Variants in BTNL9 observed in about 807,000 individuals in gnomAD.
The protein encoded by BTNL9 is butyrophilin like 9, also known as butyrophilin-like protein 9.
BTNL9 carries 45 observed loss-of-function variants against 45.8 expected under a neutral mutation model. The ratio of observed to expected loss-of-function variants is 0.98; its 90% CI spans 0.77 to 1.26. BTNL9 has a LOEUF of 1.26. BTNL9 is among the 50% of genes most tolerant of loss of function. The pLI, the probability that BTNL9 is intolerant of heterozygous loss-of-function variation, is 0.00. For synonymous variants in BTNL9, 346 were observed against 330.8 expected, an observed-to-expected ratio of 1.05 and a Z score of -0.50; for missense variants, 784 against 729.7, an observed-to-expected ratio of 1.07 and a Z score of -0.86.
rs959116851 is a variant in BTNL9, at chr5:181,059,828, A to G, written c.1574A>G (p.Tyr525Cys). 6.9e-6 allele frequency: 11 copies of G among 1,592,256 alleles called. No homozygotes were observed. In the Admixed American group the frequency reaches 8.5e-5, roughly 12 times the overall value. The change falls in exon 11 of 11, where the codon TAT (tyrosine) becomes TGT (cysteine). Residue 525 changes from tyrosine (Y) to cysteine (C), a missense_variant. Physicochemically the swap from Tyr to Cys is radical, Grantham distance 194. Coordinates refer to ENST00000327705, the MANE Select transcript of BTNL9 (RefSeq NM_152547.5). ...ENDSDTWLQP[Y>C]EPADPALDWW ...GACAGTGACACCTGGCTACAGCCCT[A>G]TGAGCCCGCGGACCCCGCCCTGGAC...
In BTNL9 at chr5:181,055,474, C is replaced by A; in HGVS notation, c.928+21C>A. 1 of 1,613,956 alleles carries A rather than the reference C, an allele frequency of 6.2e-7. No homozygotes were observed. The highest frequency in any genetic ancestry group is 8.5e-7 in the Non-Finnish European group (1 of 1,179,904). On this transcript the variant is annotated intron_variant, in intron 8 of 10. Transcript: ENST00000327705. The surrounding 1 kb of genome is among the most constrained non-coding windows in gnomAD (Gnocchi z 4.4). ...GCTTGGTAAGTGACCCCTCTTAGAA[C>A]TATTTCTCCTCAGGGCCGGGTCCAG...
rs1760827786 is a variant in BTNL9, at chr5:181,042,508, T to C, written c.-24+2076T>C. Among the ~76,000 whole-genome samples, 1 of 152,052 alleles carries C rather than the reference T, an allele frequency of 6.6e-6. No individual in the cohort carries two copies. Among genetic ancestry groups the C allele is most frequent in the Non-Finnish European group, 1.5e-5 (1 of 68,018 alleles). ...CTGGATCCTTAACTGAAGAGTGAGG[T>C]CAGAAAGGGCGGACGCACAGCAGCA... On this transcript the variant is annotated intron_variant, in intron 1 of 10. Coordinates refer to ENST00000327705, the MANE Select transcript of BTNL9 (RefSeq NM_152547.5). This position sits in a 1 kb window ranked among gnomAD's most constrained non-coding sequence, Gnocchi z 4.5.
chr5:181,054,287 C>G, intron 7 of BTNL9, 28 bp downstream of exon 7: 2 of 1,609,906 alleles, frequency 1.2e-6, no homozygotes, highest in Non-Finnish European at 1.7e-6. Context: ...GGCCACAGTG[C>G]TGCCTGTCAG....
chr5:181,051,349 A>G (rs114374232), intron 4 of BTNL9, among the ~76,000 whole-genome samples: 3,600 of 152,268 alleles, frequency 0.024, 47 homozygotes, highest in Middle Eastern at 0.051. Flanking sequence ...CCAAATCAAA[A>G]GCTATTTTAT....
Position 181,059,224 on chromosome 5 carries a change from T to A in BTNL9, c.983-13T>A, listed in dbSNP as rs7379015. 2 of 1,526,174 alleles carry A rather than the reference T, an allele frequency of 1.3e-6. No individual in the cohort carries two copies. Among genetic ancestry groups the A allele is most frequent in the Non-Finnish European group, 1.7e-6 (2 of 1,145,596 alleles). 94.5% of individuals were successfully genotyped at this position (1,526,174 alleles called of 1,614,324 possible). A position where few individuals can be genotyped will look rare whatever the true frequency, so the allele number is the denominator to read the frequency against. On this transcript the variant is annotated splice_polypyrimidine_tract_variant and intron_variant, in intron 10 of 10. Transcript: ENST00000327705. ...CCGTCCCGGGCGGGCACTAACGCTG[T>A]GGCTCTGCGCAGTGGATGTGACGCT...
Position 181,053,981 on chromosome 5 carries a change from C to T in BTNL9, c.887-258C>T. 2 of 1,532,908 alleles carry T rather than the reference C, an allele frequency of 1.3e-6. No individual in the cohort carries two copies. The highest frequency in any genetic ancestry group is 2.4e-5 in the South Asian group (2 of 83,162). 95.0% of individuals were successfully genotyped at this position (1,532,908 alleles called of 1,614,324 possible). The stretch of plus-strand genomic sequence containing the variant: ...GCCGAGCTAATAGATTTGGGAGGCT[C>T]CGACCCTGATTTTCACACTAGCAGG... On this transcript the variant is annotated intron_variant, in intron 6 of 10. Transcript: ENST00000327705. The surrounding 1 kb of genome is among the most constrained non-coding windows in gnomAD (Gnocchi z 6.5).
rs536255801 is a variant in BTNL9 at position 181,054,517 on chromosome 5, C to T, written c.907+258C>T. The stretch of plus-strand genomic sequence containing the variant: ...AATTCAGTTAAAATTCATCATAAAA[C>T]GTTTACTGTCTCCGGTTCATCTTCT... On this transcript the variant is annotated intron_variant, in intron 7 of 10. Transcript: ENST00000327705. 77 of 985,418 alleles carry T rather than the reference C, an allele frequency of 7.8e-5. 1 individual carries two copies. In the South Asian group the frequency reaches 3.0e-3, roughly 38 times the overall value. The allele number at this position is 985,418 out of a possible 1,614,324, so 61.0% of individuals were successfully genotyped here.
At position 181,042,965 on chromosome 5, in the gene BTNL9, C is replaced by T. The variant is rs1475352196; in HGVS notation, c.-23-2502C>T. Reference sequence around the variant, plus strand: ...GTGAGGAATCTGAATTCGAGAAGTGCAGAGCGAGGCTCTGGAACCAGACAG... The same window carrying T: ...GTGAGGAATCTGAATTCGAGAAGTGTAGAGCGAGGCTCTGGAACCAGACAG... On this transcript the variant is annotated intron_variant, in intron 1 of 10. Coordinates refer to ENST00000327705, the MANE Select transcript of BTNL9 (RefSeq NM_152547.5). The surrounding 1 kb of genome is among the most constrained non-coding windows in gnomAD (Gnocchi z 4.5). Among the ~76,000 whole-genome samples the T allele has an allele frequency of 6.6e-6, 1 of 152,034 alleles. No homozygotes were observed. Among genetic ancestry groups the T allele is most frequent in the Non-Finnish European group, 1.5e-5 (1 of 67,978 alleles).
intron 1 of BTNL9, among the ~76,000 whole-genome samples, chr5:181,043,670 C>T (rs1007495337): frequency 2.6e-5 from 4 of 152,256 alleles, no homozygotes; most frequent in African/African-American, 9.6e-5. Context: ...CGTGCCCCTC[C>T]TGGTTTTGCT....
intron 9 of BTNL9, chr5:181,056,873 C>G (rs1487158999): frequency 2.2e-6 from 1 of 458,454 alleles, no homozygotes; most frequent in Admixed American, 4.0e-5. Context: ...CCTCTGAATG[C>G]TGAGAAGATT....
intron 2 of BTNL9, among the ~76,000 whole-genome samples, chr5:181,046,157 T>TCAATACCTCCTCCACCATCTCCCCAGCCC (rs1761125976): frequency 2.3e-4 from 1 of 4,410 alleles, no homozygotes; most frequent in Non-Finnish European, 3.9e-4. Flanking sequence ...CTCCCCAGCC[T>TCAATACCTCCTCCACCATCTCCCCAGCCC]CCAACACCTC....
chr5:181,053,790 A>T lies in BTNL9; in HGVS notation c.886+289A>T. On this transcript the variant is annotated intron_variant, in intron 6 of 10. Transcript: ENST00000327705. The surrounding 1 kb of genome is among the most constrained non-coding windows in gnomAD (Gnocchi z 6.5). The stretch of plus-strand genomic sequence containing the variant: ...GCTTCACATCACACTGTACAGAGGG[A>T]GCGGTGACCAGGGTCTCTGCTGCCA... The T allele has an allele frequency of 6.6e-7, 1 of 1,522,506 alleles. No homozygotes were observed. The highest frequency in any genetic ancestry group is 8.8e-7 in the Non-Finnish European group (1 of 1,138,242). The allele number at this position is 1,522,506 out of a possible 1,614,324, so 94.3% of individuals were successfully genotyped here. A position where few individuals can be genotyped will look rare whatever the true frequency, so the allele number is the denominator to read the frequency against.
chr5:181,052,273 C>A (rs1761581406), intron 4 of BTNL9, among the ~76,000 whole-genome samples: 1 of 152,100 alleles, frequency 6.6e-6, no homozygotes, highest in Admixed American at 6.5e-5. Flanking sequence ...CTAGAGGAGT[C>A]AAGTCCACAG....
At position 181,055,693 on chromosome 5, in the gene BTNL9, C is replaced by T. The variant is rs1021300093; in HGVS notation, c.928+240C>T. 143 of 686,788 alleles carry T rather than the reference C, an allele frequency of 2.1e-4. 1 individual carries two copies. The Admixed American group carries it at 2.6e-3, about 13-fold the overall frequency. The allele number at this position is 686,788 out of a possible 1,614,324, so 42.5% of individuals were successfully genotyped here. A position where few individuals can be genotyped will look rare whatever the true frequency, so the allele number is the denominator to read the frequency against. On this transcript the variant is annotated intron_variant, in intron 8 of 10. Transcript: ENST00000327705. The surrounding 1 kb of genome is among the most constrained non-coding windows in gnomAD (Gnocchi z 4.4). ...CTGAGGCAGGAGAAGGGCGTGAACCCGGGAAGCGGAGCTTGCAGTGAGCCG... is the reference window on the plus strand; with the variant it reads ...CTGAGGCAGGAGAAGGGCGTGAACCTGGGAAGCGGAGCTTGCAGTGAGCCG...
At position 181,045,668 on chromosome 5, in the gene BTNL9, A is replaced by C. The variant is rs949653658; in HGVS notation, c.109+70A>C. ...CTCCTGCCAGGTGCTCCCCAGGGCT[A>C]CGATCTTAGCACAGTACCAGGGCGT... On this transcript the variant is annotated intron_variant, in intron 2 of 10. Transcript: ENST00000327705. The C allele has an allele frequency of 3.2e-6, 4 of 1,251,978 alleles. No homozygotes were observed. In the African/African-American group the frequency reaches 5.9e-5, roughly 19 times the overall value. 77.6% of individuals were successfully genotyped at this position (1,251,978 alleles called of 1,614,324 possible). A position where few individuals can be genotyped will look rare whatever the true frequency, so the allele number is the denominator to read the frequency against.
At position 181,059,533 on chromosome 5, in the gene BTNL9, G is replaced by A. The variant is rs960966643; in HGVS notation, c.1279G>A (p.Gly427Ser). ...CTACTGGGTGCTGGGGCTGTGGAAC[G>A]GCTGCGAGTACTTCGTCCTGGCCCC... Reference protein sequence around the residue: ...AGYWVLGLWNGCEYFVLAPHR... With the variant: ...AGYWVLGLWNSCEYFVLAPHR... The change falls in exon 11 of 11, where the codon GGC becomes AGC. Residue 427 changes from glycine to serine, a missense_variant. Physicochemically the swap from Gly to Ser is moderately conservative, Grantham distance 56. Coordinates refer to ENST00000327705, the MANE Select transcript of BTNL9 (RefSeq NM_152547.5). 4 of 1,607,426 alleles carry A rather than the reference G, an allele frequency of 2.5e-6. No individual in the cohort carries two copies. Among genetic ancestry groups the A allele is most frequent in the Non-Finnish European group, 3.4e-6 (4 of 1,178,722 alleles).
rs769800106 is a variant in BTNL9 at position 181,045,531 on chromosome 5, A to G, written c.42A>G (p.Val14=). 33 of 1,612,476 alleles carry G rather than the reference A, an allele frequency of 2.0e-5. 1 individual carries two copies. The highest frequency in any genetic ancestry group is 2.6e-5 in the Non-Finnish European group (31 of 1,179,262). The change falls in exon 2 of 11, where the codon GTA becomes GTG. Residue 14 remains valine (V), a synonymous_variant. Transcript: ENST00000327705. The part of the protein sequence containing the change: ...LSVSPDSLKP[V]SLTSSLVFLM... ...TCTCCCCAGACTCCTTGAAGCCAGTATCGCTGACCAGCAGTCTTGTCTTCC... is the reference window on the plus strand; with the variant it reads ...TCTCCCCAGACTCCTTGAAGCCAGTGTCGCTGACCAGCAGTCTTGTCTTCC...
chr5:181,048,927 A>G (rs1250050271), intron 3 of BTNL9, among the ~76,000 whole-genome samples: 1 of 93,516 alleles, frequency 1.1e-5, no homozygotes, highest in Non-Finnish European at 2.4e-5. Context: ...AAAATAATAT[A>G]TATTATATAA....
At chr5:181,059,100 A>AGGGGTGAGGGTC in intron 10 of BTNL9, 137 bp from the exon 11 acceptor site, 1 of 1,360,198 alleles carries the variant, frequency 7.4e-7, no homozygotes, top group East Asian at 3.0e-5. Context: ...GGGGGTTTGC[A>AGGGGTGAGGGTC]GGGGTGAGGG....
Sources: allele counts gnomAD v4.1 joint callset (sites outside exome capture counted in the v4.1 genomes callset), GRCh38; gene constraint gnomAD v4.1.1; non-coding constraint Gnocchi (gnomAD v3.1); transcripts MANE v1.5; gene names NCBI Gene and HGNC (gene_info 2026-07-23, HGNC 2026-07-21).